The following SLC31A1 variants were observed in gnomAD, a reference collection of about 807,000 sequenced individuals.
SLC31A1 encodes solute carrier family 31 member 1, also known as high affinity copper uptake protein 1.
In SLC31A1, 5 loss-of-function variants were observed where a neutral mutation model predicts 17.2. That is an observed-to-expected ratio of 0.29 (90% CI 0.15 to 0.61). SLC31A1 has a LOEUF of 0.61. Among genes scored for constraint, SLC31A1 ranks in the 20% least tolerant of loss-of-function variants. The pLI is 0.86. For synonymous variants in SLC31A1, 76 were observed against 78.8 expected, an observed-to-expected ratio of 0.96 and a Z score of 0.19; for missense variants, 161 against 241.4, an observed-to-expected ratio of 0.67 and a Z score of 2.21.
chr9:113,256,430 C>T (rs1430912941), intron 2 of SLC31A1, 153 bp downstream of exon 2: 3 of 804,668 alleles, frequency 3.7e-6, no homozygotes, highest in Non-Finnish European at 5.7e-6. Flanking sequence ...GTCATTTGCT[C>T]CAGATTATGT....
At chr9:113,234,730 G>A (rs1005928211) in intron 1 of SLC31A1, among the ~76,000 whole-genome samples, 1 of 152,000 alleles carries the variant, frequency 6.6e-6, no homozygotes, top group Non-Finnish European at 1.5e-5. Flanking sequence ...CTTCCCTGAT[G>A]ATTCTGATCC....
intron 1 of SLC31A1, among the ~76,000 whole-genome samples, chr9:113,250,369 T>C (rs925996059): frequency 2.0e-5 from 3 of 148,732 alleles, no homozygotes; most frequent in African/African-American, 7.5e-5. Flanking sequence ...TGAGTTCATG[T>C]CCTTTGTAGG....
intron 1 of SLC31A1, among the ~76,000 whole-genome samples, chr9:113,242,194 A>G (rs1831528742): frequency 6.6e-6 from 1 of 152,254 alleles, no homozygotes; most frequent in Non-Finnish European, 1.5e-5. Flanking sequence ...GTCTCAAAAA[A>G]AAAAAACTAG....
chr9:113,239,941 C>G (rs115282799), intron 1 of SLC31A1, among the ~76,000 whole-genome samples: 4,474 of 152,320 alleles, frequency 0.029, 85 homozygotes, highest in African/African-American at 0.036. Context: ...CTCTCCTCCG[C>G]TCACTCAGTA....
At position 113,260,923 on chromosome 9, in the gene SLC31A1, A is replaced by T; in HGVS notation, c.*450A>T. 1 of 286,686 alleles carries T rather than the reference A, an allele frequency of 3.5e-6. No individual in the cohort carries two copies. The highest frequency in any genetic ancestry group is 4.9e-5 in the Admixed American group (1 of 20,558). 17.8% of individuals were successfully genotyped at this position (286,686 alleles called of 1,614,324 possible). A position where few individuals can be genotyped will look rare whatever the true frequency, so the allele number is the denominator to read the frequency against. ...GCCAGGATTGATGGCAGCTGAGGGA[A>T]ATTCTTGCCCAACTAAACCCAGAAC... On this transcript the variant is annotated 3_prime_UTR_variant, in exon 5 of 5. Transcript: ENST00000374212.
chr9:113,240,112 A>G (rs767144615), intron 1 of SLC31A1, among the ~76,000 whole-genome samples: 5 of 152,126 alleles, frequency 3.3e-5, no homozygotes, highest in Non-Finnish European at 5.9e-5. Flanking sequence ...TCCTCCATCT[A>G]AATTAGTTCT....
chr9:113,227,396 G>C, intron 1 of SLC31A1: 1 of 152,060 alleles, frequency 6.6e-6, no homozygotes, highest in East Asian at 1.9e-4. Flanking sequence ...GGGACTACAG[G>C]CATGCACCAC....
Position 113,263,655 on chromosome 9 carries a change from T to C in SLC31A1, c.*3182T>C, listed in dbSNP as rs2118527381. On this transcript the variant is annotated 3_prime_UTR_variant, in exon 5 of 5. Transcript: ENST00000374212. ...ATATAATACCAACCAGAAATTGGCA[T>C]TTATAAACCTGTTAAGAGACTTTAA... The C allele has an allele frequency of 6.5e-6, 1 of 152,738 alleles. No homozygotes were observed. The highest frequency in any genetic ancestry group is 6.5e-5 in the Admixed American group (1 of 15,292). The allele number at this position is 152,738 out of a possible 1,614,324, so 9.5% of individuals were successfully genotyped here.
intron 3 of SLC31A1, 28 bp downstream of exon 3, chr9:113,257,213 A>G: frequency 6.3e-7 from 1 of 1,582,344 alleles, no homozygotes; most frequent in Non-Finnish European, 8.7e-7. Flanking sequence ...TAGTGTTGGA[A>G]GGTGATAGTC....
intron 1 of SLC31A1, among the ~76,000 whole-genome samples, chr9:113,223,588 T>C (rs964715237): frequency 5.3e-5 from 8 of 152,216 alleles, no homozygotes; most frequent in African/African-American, 1.9e-4. Context: ...TTTGTTTTGC[T>C]TAAGTATACA....
intron 1 of SLC31A1, among the ~76,000 whole-genome samples, chr9:113,253,607 T>G (rs1348278778): frequency 1.4e-5 from 2 of 146,724 alleles, no homozygotes; most frequent in Non-Finnish European, 3.0e-5. Context: ...CAGGCTGGAG[T>G]GCAGTGGCAT....
intron 1 of SLC31A1, among the ~76,000 whole-genome samples, chr9:113,236,280 G>A (rs544508733): frequency 7.3e-5 from 11 of 150,292 alleles, no homozygotes; most frequent in African/African-American, 2.2e-4. Flanking sequence ...GAGCCACTGC[G>A]CCCAGCCCTA....
chr9:113,230,171 C>G (rs1345275219), intron 1 of SLC31A1, among the ~76,000 whole-genome samples: 1 of 152,196 alleles, frequency 6.6e-6, no homozygotes, highest in Non-Finnish European at 1.5e-5. Context: ...TGTGTGATAA[C>G]TTTACAAAGT....
intron 1 of SLC31A1, among the ~76,000 whole-genome samples, chr9:113,252,954 C>CTTTTTTTTTTTTT (rs369221979): frequency 2.8e-5 from 3 of 105,512 alleles, no homozygotes; most frequent in Non-Finnish European, 1.8e-5. Context: ...TTCTTTTTTT[C>CTTTTTTTTTTTTT]TTTTTTTTTT....
At chr9:113,222,637 T>C (rs538429941) in intron 1 of SLC31A1, among the ~76,000 whole-genome samples, 1 of 152,294 alleles carries the variant, frequency 6.6e-6, no homozygotes, top group Admixed American at 6.5e-5. Context: ...AATGAAATGA[T>C]TGGTAGCTCC....
intron 1 of SLC31A1, among the ~76,000 whole-genome samples, chr9:113,240,966 C>T (rs1831515025): frequency 6.6e-6 from 1 of 150,522 alleles, no homozygotes; most frequent in Non-Finnish European, 1.5e-5. Context: ...AGGAGAATCG[C>T]TTGAACCCAG....
chr9:113,227,232 T>C (rs1399811642), intron 1 of SLC31A1: 1 of 152,160 alleles, frequency 6.6e-6, no homozygotes, highest in Non-Finnish European at 1.5e-5. Flanking sequence ...CTATCTGAGA[T>C]ATTGAACAAT....
chr9:113,248,431 A>C (rs903465196), intron 1 of SLC31A1, among the ~76,000 whole-genome samples: 1 of 150,988 alleles, frequency 6.6e-6, no homozygotes, highest in African/African-American at 2.4e-5. Context: ...TCAGGAAATC[A>C]GGACAGGCAG....
intron 1 of SLC31A1, among the ~76,000 whole-genome samples, chr9:113,224,957 T>A (rs1302689645): frequency 1.3e-5 from 2 of 152,248 alleles, no homozygotes; most frequent in East Asian, 3.8e-4. Flanking sequence ...TTATAGGAGT[T>A]AATTCATGTA....
Sources: gnomAD v4.1 joint callset for allele counts (sites outside exome capture counted in the v4.1 genomes callset) on GRCh38, gnomAD v4.1.1 for gene constraint, MANE v1.5 for transcripts, NCBI Gene and HGNC (gene_info 2026-07-23, HGNC 2026-07-21) for gene names.